ZNF423: variants seen among roughly 807,000 people sequenced by gnomAD.
ZNF423 encodes zinc finger protein 423.
Under a neutral mutation model 95.8 loss-of-function variants are expected in ZNF423, and 12 were observed. That is an observed-to-expected ratio of 0.13 (90% CI 0.08 to 0.20). ZNF423 has a LOEUF of 0.20. ZNF423 is among the 10% of genes least tolerant of loss of function. The pLI, the probability that ZNF423 is intolerant of heterozygous loss-of-function variation, is 1.00. For synonymous variants in ZNF423, 749 were observed against 711.9 expected (o/e 1.05, Z -0.83); for missense variants, 1,316 against 1,737.1 (o/e 0.76, Z 4.31).
At chr16:49,556,949 T>A (rs1409269849) in intron 5 of ZNF423, among the ~76,000 whole-genome samples, 1 of 152,132 alleles carries the variant, frequency 6.6e-6, no homozygotes, top group Non-Finnish European at 1.5e-5. Flanking sequence ...AAAATATTGG[T>A]GGGAGAAGGC....
chr16:49,662,320 G>C (rs1391145900), intron 3 of ZNF423, among the ~76,000 whole-genome samples: 1 of 152,138 alleles, frequency 6.6e-6, no homozygotes, highest in East Asian at 1.9e-4. Context: ...AGGAAGAAAT[G>C]ATCTCCTGAT....
At chr16:49,819,292 G>C (rs1292976395) in intron 1 of ZNF423, among the ~76,000 whole-genome samples, 3 of 148,854 alleles carry the variant, frequency 2.0e-5, no homozygotes, top group Non-Finnish European at 4.4e-5. Context: ...AGTCCCACTA[G>C]CCAGGTTTCA....
chr16:49,825,200 T>C (rs2034991950), intron 1 of ZNF423, among the ~76,000 whole-genome samples: 1 of 152,196 alleles, frequency 6.6e-6, no homozygotes, highest in Non-Finnish European at 1.5e-5. Flanking sequence ...TCCGACATCC[T>C]GTGTGTCAAT....
At chr16:49,700,442 A>G (rs1005963173) in intron 3 of ZNF423, among the ~76,000 whole-genome samples, 5 of 152,056 alleles carry the variant, frequency 3.3e-5, no homozygotes, top group Non-Finnish European at 7.4e-5. Context: ...AGCCCCACCC[A>G]TCATGACACC....
At chr16:49,621,668 T>C (rs1972088564) in intron 5 of ZNF423, among the ~76,000 whole-genome samples, 1 of 152,110 alleles carries the variant, frequency 6.6e-6, no homozygotes, top group Non-Finnish European at 1.5e-5. Flanking sequence ...TTTACCCCCG[T>C]CAGCGGCAGG....
At chr16:49,788,088 A>G (rs982140766) in intron 2 of ZNF423, among the ~76,000 whole-genome samples, 2 of 152,198 alleles carry the variant, frequency 1.3e-5, no homozygotes, top group African/African-American at 4.8e-5. Context: ...GGCCTGTCCT[A>G]GTCCTGGACC....
intron 5 of ZNF423, among the ~76,000 whole-genome samples, chr16:49,625,784 A>G (rs1596737769): frequency 6.6e-6 from 1 of 152,218 alleles, no homozygotes; most frequent in Non-Finnish European, 1.5e-5. Context: ...TGTTTTGACA[A>G]TGTGCCTGAG....
intron 3 of ZNF423, among the ~76,000 whole-genome samples, chr16:49,665,181 C>T (rs2030476656): frequency 6.6e-6 from 1 of 152,358 alleles, no homozygotes; most frequent in East Asian, 1.9e-4. Flanking sequence ...CAGGGTTCTG[C>T]CATCAAGAGC....
At chr16:49,648,448 C>G (rs1400450104) in intron 3 of ZNF423, among the ~76,000 whole-genome samples, 1 of 152,012 alleles carries the variant, frequency 6.6e-6, no homozygotes, top group Non-Finnish European at 1.5e-5. Context: ...TCGAGACCAG[C>G]CTGACCAACA....
At chr16:49,700,769 G>GC (rs1037595731) in intron 3 of ZNF423, among the ~76,000 whole-genome samples, 17 of 152,296 alleles carry the variant, frequency 1.1e-4, no homozygotes, top group Middle Eastern at 3.4e-3. Context: ...CCCTCCTTGG[G>GC]CCCCCTCTGC....
At chr16:49,520,812 C>A (rs1235009344) in intron 7 of ZNF423, among the ~76,000 whole-genome samples, 1 of 152,198 alleles carries the variant, frequency 6.6e-6, no homozygotes, top group African/African-American at 2.4e-5. Flanking sequence ...GAAAAACCCT[C>A]CTCTCAAAAA....
intron 5 of ZNF423, among the ~76,000 whole-genome samples, chr16:49,578,759 T>C (rs1232417491): frequency 6.6e-6 from 1 of 152,058 alleles, no homozygotes; most frequent in Non-Finnish European, 1.5e-5. Context: ...CCGAAACCCC[T>C]CCAAACCAGT....
At chr16:49,688,500 G>A (rs11648013) in intron 3 of ZNF423, among the ~76,000 whole-genome samples, 92,855 of 152,026 alleles carry the variant, frequency 0.61, 29,966 homozygotes, top group Non-Finnish European at 0.71. Flanking sequence ...AAGATGTCTT[G>A]CTGGCAGCCC....
intron 3 of ZNF423, among the ~76,000 whole-genome samples, chr16:49,693,885 T>G (rs1021925129): frequency 2.0e-5 from 3 of 152,226 alleles, no homozygotes; most frequent in Non-Finnish European, 4.4e-5. Context: ...TAAGCCAGTT[T>G]GAGATGCGAC....
chr16:49,502,273 G>A (rs1967437314), intron 7 of ZNF423, among the ~76,000 whole-genome samples: 2 of 152,192 alleles, frequency 1.3e-5, no homozygotes, highest in South Asian at 4.1e-4. Context: ...GGGCTGGGAT[G>A]TGGGACTCGG....
chr16:49,776,620 A>T (rs545879821), intron 2 of ZNF423, among the ~76,000 whole-genome samples: 50 of 152,222 alleles, frequency 3.3e-4, no homozygotes, highest in Non-Finnish European at 6.6e-4. Flanking sequence ...AGGCAGGTGC[A>T]GGGTGTAAAA....
intron 3 of ZNF423, among the ~76,000 whole-genome samples, chr16:49,702,714 T>A (rs1322022349): frequency 6.6e-6 from 1 of 152,208 alleles, no homozygotes; most frequent in African/African-American, 2.4e-5. Context: ...ATTAGCTGCC[T>A]AGGTGATGGG....
In ZNF423 at chr16:49,732,802, A is replaced by G. The variant is rs189851242; in HGVS notation, c.101-1831T>C. ...GAACATGCCCTTCCAAGCACCCGAC[A>G]TCAAGAACCTGGGAACACAAATCGG... On this transcript the variant is annotated intron_variant, in intron 2 of 7. Coordinates refer to ENST00000563137, the MANE Select transcript of ZNF423 (RefSeq NM_001379286.1). 2.5e-3 allele frequency among the ~76,000 whole-genome samples: 379 copies of G among 152,352 alleles called. 1 individual carries two copies. Among genetic ancestry groups the G allele is most frequent in the African/African-American group, 8.6e-3 (359 of 41,586 alleles).
Position 49,731,091 on chromosome 16 carries a change from C to G in ZNF423, c.101-120G>C, listed in dbSNP as rs150545920. The G allele has an allele frequency of 1.9e-4, 215 of 1,131,148 alleles. No homozygotes were observed. In the African/African-American group the frequency reaches 3.0e-3, roughly 16 times the overall value. 70.1% of individuals were successfully genotyped at this position (1,131,148 alleles called of 1,614,324 possible). ...TACTCTACCTCCCGGGGTCCATTATCCTTGACACCTCTCAGTATATTAATA... is the reference window on the plus strand; with the variant it reads ...TACTCTACCTCCCGGGGTCCATTATGCTTGACACCTCTCAGTATATTAATA... On this transcript the variant is annotated intron_variant, in intron 2 of 7. Coordinates refer to ENST00000563137, the MANE Select transcript of ZNF423 (RefSeq NM_001379286.1).
Sources: allele counts gnomAD v4.1 joint callset (sites outside exome capture counted in the v4.1 genomes callset), GRCh38; gene constraint gnomAD v4.1.1; transcripts MANE v1.5; gene names NCBI Gene and HGNC (gene_info 2026-07-23, HGNC 2026-07-21).